NME7: variants seen among roughly 807,000 people sequenced by gnomAD.
The protein encoded by NME7 is nucleoside diphosphate kinase 7.
In NME7, 41 loss-of-function variants were observed where a neutral mutation model predicts 49.1. That is an observed-to-expected ratio of 0.83 (90% CI 0.65 to 1.08). NME7 has a LOEUF of 1.08. Among genes scored for constraint, NME7 ranks in the 50% least tolerant of loss-of-function variants. The probability of loss-of-function intolerance (pLI) is 0.00; values close to 1 mark genes in which losing one functional copy is unlikely to be tolerated. For synonymous variants in NME7, 139 were observed against 150.6 expected (o/e 0.92, Z 0.56); for missense variants, 423 against 463.4 (o/e 0.91, Z 0.80).
intron 10 of NME7, among the ~76,000 whole-genome samples, chr1:169,191,938 T>C (rs1287443926): frequency 6.6e-6 from 1 of 152,126 alleles, no homozygotes; most frequent in African/African-American, 2.4e-5. Context: ...GAGTCTGTCA[T>C]AAATGTAGAA....
At position 169,290,508 on chromosome 1, in the gene NME7, A is replaced by G. The variant is rs1193600039; in HGVS notation, c.649-3100T>C. 2.0e-5 allele frequency among the ~76,000 whole-genome samples: 3 copies of G among 152,186 alleles called. No individual in the cohort carries two copies. The East Asian group carries it at 5.8e-4, about 29-fold the overall frequency. On this transcript the variant is annotated intron_variant, in intron 6 of 11. Coordinates refer to ENST00000367811, the MANE Select transcript of NME7 (RefSeq NM_013330.5). ...CCCCTTCCTTTCATCTTATACAAAA[A>G]TTAACTCAAGATGGATAAAGACATA...
intron 7 of NME7, among the ~76,000 whole-genome samples, chr1:169,269,681 T>C (rs74121605): frequency 0.026 from 3,413 of 133,030 alleles, 478 homozygotes; most frequent in African/African-American, 0.083. Flanking sequence ...TTTCTAAAAG[T>C]GAGGACATGA....
At chr1:169,195,969 T>G (rs768716300) in intron 10 of NME7, among the ~76,000 whole-genome samples, 1 of 152,210 alleles carries the variant, frequency 6.6e-6, no homozygotes, top group Non-Finnish European at 1.5e-5. Context: ...AGTGTTAGGC[T>G]GTTACAACTA....
chr1:169,253,338 T>C (rs1192864678), intron 7 of NME7, among the ~76,000 whole-genome samples: 1 of 149,382 alleles, frequency 6.7e-6, no homozygotes, highest in African/African-American at 2.5e-5. Context: ...TGAATGGGAG[T>C]TCACTCATGA....
At chr1:169,248,490 CTATT>C (rs1251838878) in intron 7 of NME7, among the ~76,000 whole-genome samples, 1 of 151,728 alleles carries the variant, frequency 6.6e-6, no homozygotes, top group African/African-American at 2.4e-5. Context: ...TAATTAGGTC[CTATT>C]TATTTATTTT....
At chr1:169,178,820 C>CTTTTTTTTT (rs57619644) in intron 10 of NME7, among the ~76,000 whole-genome samples, 15 of 124,328 alleles carry the variant, frequency 1.2e-4, no homozygotes, top group East Asian at 2.4e-4. Context: ...GAAACCTCTT[C>CTTTTTTTTT]TTTTTTTTTT....
intron 7 of NME7, among the ~76,000 whole-genome samples, chr1:169,248,965 G>C (rs1382721630): frequency 1.3e-5 from 2 of 151,974 alleles, no homozygotes; most frequent in South Asian, 2.1e-4. Flanking sequence ...TGGCTATTCA[G>C]GTTCTTTTTC....
rs10689301 is a variant in NME7, at chr1:169,150,763, G to GAAAA, written c.1099-17950_1099-17947dup. Among the ~76,000 whole-genome samples, 105 of 124,326 alleles carry GAAAA rather than the reference G, an allele frequency of 8.4e-4. 2 individuals carry two copies. Among genetic ancestry groups the GAAAA allele is most frequent in the Non-Finnish European group, 1.1e-3 (68 of 59,538 alleles). The allele number at this position is 124,326 out of a possible 152,430, so 81.6% of individuals were successfully genotyped here. A position where few individuals can be genotyped will look rare whatever the true frequency, so the allele number is the denominator to read the frequency against. Reference sequence around the variant, plus strand: ...ATGATGAGAAGAGAGGCTGGAAAAGGAAAAAAAAAAAAAAAAGAGGAGCAA... The same window carrying GAAAA: ...ATGATGAGAAGAGAGGCTGGAAAAGGAAAAAAAAAAAAAAAAAAAAGAGGAGCAA... On this transcript the variant is annotated intron_variant, in intron 11 of 11. Coordinates refer to ENST00000367811, the MANE Select transcript of NME7 (RefSeq NM_013330.5).
chr1:169,175,916 AT>A (rs1333401425), intron 10 of NME7, among the ~76,000 whole-genome samples: 1 of 152,136 alleles, frequency 6.6e-6, no homozygotes, highest in African/African-American at 2.4e-5. Context: ...TTAATATCAA[AT>A]GCCAGTGAGG....
chr1:169,251,283 A>C (rs964783563), intron 7 of NME7, among the ~76,000 whole-genome samples: 8 of 152,140 alleles, frequency 5.3e-5, no homozygotes, highest in African/African-American at 1.7e-4. Flanking sequence ...ATCTGATATA[A>C]GACTACCTAC....
At chr1:169,151,570 G>A (rs1265695367) in intron 11 of NME7, among the ~76,000 whole-genome samples, 6 of 152,082 alleles carry the variant, frequency 3.9e-5, no homozygotes, top group East Asian at 1.9e-4. Context: ...GATGACCTCC[G>A]CTAGTCCCCC....
At chr1:169,170,721 C>A (rs932321976) in intron 10 of NME7, among the ~76,000 whole-genome samples, 2 of 152,116 alleles carry the variant, frequency 1.3e-5, no homozygotes, top group African/African-American at 4.8e-5. Flanking sequence ...TCGAGACCAG[C>A]CTGGCTAACA....
At chr1:169,135,014 C>CAAAAAAAAAAAAAAAAAAAAAAAAAAA (rs58463903) in intron 11 of NME7, among the ~76,000 whole-genome samples, 1 of 50,386 alleles carries the variant, frequency 2.0e-5, no homozygotes, top group Non-Finnish European at 3.7e-5. Flanking sequence ...CCCGTCTCTA[C>CAAAAAAAAAAAAAAAAAAAAAAAAAAA]AAAAAAAAAA....
intron 11 of NME7, among the ~76,000 whole-genome samples, chr1:169,149,233 C>T (rs560713170): frequency 6.9e-4 from 105 of 151,970 alleles, no homozygotes; most frequent in African/African-American, 2.4e-3. Flanking sequence ...CCCAGCTACT[C>T]GGGAGGCCAA....
intron 10 of NME7, among the ~76,000 whole-genome samples, chr1:169,173,666 A>C (rs1361338918): frequency 6.6e-6 from 1 of 152,196 alleles, no homozygotes; most frequent in African/African-American, 2.4e-5. Flanking sequence ...AAAAATACTA[A>C]AAGTGAGAGT....
intron 1 of NME7, among the ~76,000 whole-genome samples, chr1:169,341,833 T>C (rs1041449125): frequency 5.9e-5 from 9 of 152,160 alleles, no homozygotes; most frequent in African/African-American, 2.2e-4. Context: ...TGTGGCCTCT[T>C]TGGTTTGGCC....
chr1:169,201,706 G>T (rs1660555982), intron 10 of NME7, among the ~76,000 whole-genome samples: 1 of 152,132 alleles, frequency 6.6e-6, no homozygotes, highest in Admixed American at 6.5e-5. Context: ...AAGCAAGTTT[G>T]CAAGGAAGGA....
At chr1:169,347,525 G>C (rs1043846566) in intron 1 of NME7, among the ~76,000 whole-genome samples, 1 of 152,146 alleles carries the variant, frequency 6.6e-6, no homozygotes, top group African/African-American at 2.4e-5. Flanking sequence ...GTCCATTGTA[G>C]AGGCCCTAAA....
intron 10 of NME7, among the ~76,000 whole-genome samples, chr1:169,214,004 G>C (rs745635223): frequency 2.0e-5 from 3 of 152,016 alleles, no homozygotes; most frequent in Admixed American, 6.6e-5. Flanking sequence ...AAGCTTTCTA[G>C]TATGTACAAG....
Sources: allele counts gnomAD v4.1 joint callset (sites outside exome capture counted in the v4.1 genomes callset), GRCh38; gene constraint gnomAD v4.1.1; transcripts MANE v1.5; gene names NCBI Gene and HGNC (gene_info 2026-07-23, HGNC 2026-07-21).